HDLBP: variants seen among roughly 807,000 people sequenced by gnomAD.
The protein encoded by HDLBP is vigilin.
HDLBP carries 30 observed loss-of-function variants against 137.3 expected under a neutral mutation model. That is an observed-to-expected ratio of 0.22 (90% confidence interval 0.16 to 0.30). The LOEUF (loss-of-function observed/expected upper bound fraction) is 0.30, where lower values mean the gene tolerates loss of function less well. Among genes scored for constraint, HDLBP ranks in the 10% least tolerant of loss-of-function variants. The pLI, the probability that HDLBP is intolerant of heterozygous loss-of-function variation, is 1.00. For missense variants in HDLBP, 1,119 were observed against 1,667.3 expected (o/e 0.67, Z 5.73); for synonymous variants, 606 against 596.0 (o/e 1.02, Z -0.24).
intron 11 of HDLBP, chr2:241,250,187 A>G (rs557116908): frequency 2.1e-6 from 1 of 475,334 alleles, no homozygotes; most frequent in South Asian, 3.6e-5. Context: ...AGGGTTCTGG[A>G]GGACAGGCTC....
intron 4 of HDLBP, among the ~76,000 whole-genome samples, chr2:241,264,035 A>G (rs1411520182): frequency 6.6e-6 from 1 of 151,982 alleles, no homozygotes; most frequent in Non-Finnish European, 1.5e-5. Flanking sequence ...GCTTGGAAGG[A>G]TAGGTTAAGA....
chr2:241,266,590 T>C (rs1395158324), intron 3 of HDLBP: 1 of 547,358 alleles, frequency 1.8e-6, no homozygotes, highest in Non-Finnish European at 3.3e-6. Flanking sequence ...TAAATCTCAC[T>C]GTACTTGATT....
intron 16 of HDLBP, among the ~76,000 whole-genome samples, chr2:241,244,413 T>C (rs758112890): frequency 1.3e-5 from 2 of 152,106 alleles, no homozygotes; most frequent in Non-Finnish European, 2.9e-5. Context: ...CCTAACTTGC[T>C]CAGAGACGGT....
intron 1 of HDLBP, among the ~76,000 whole-genome samples, chr2:241,289,998 A>G (rs1027064443): frequency 6.6e-6 from 1 of 152,224 alleles, no homozygotes; most frequent in African/African-American, 2.4e-5. Context: ...TTCAATATGC[A>G]GATGGGCTGA....
rs1421417018 is a variant in HDLBP, at chr2:241,256,804, G to C, written c.453C>G (p.Ala151=). 1 of 1,611,992 alleles carries C rather than the reference G, an allele frequency of 6.2e-7. No individual in the cohort carries two copies. The highest frequency in any genetic ancestry group is 1.3e-5 in the African/African-American group (1 of 74,832). Residue 151 remains alanine, a splice_region_variant and synonymous_variant, in exon 6 of 28, where the codon GCC becomes GCG. Coordinates refer to ENST00000310931, the MANE Select transcript of HDLBP (RefSeq NM_005336.6). ...KDIVARLQTQ[A]SATVAIPKEH... ...CTTTGGGAATGGCAACAGTTGCTGA[G>C]GCCTATAGCAAGAAGAGAATAAAAG... is the stretch of plus-strand genomic sequence containing the variant.
At position 241,255,168 on chromosome 2, in the gene HDLBP, T is replaced by A. The variant is rs2305075; in HGVS notation, c.1081-10A>T. ...CGGTGAAGCTATTGGCCTAAGAAAA[T>A]GGGAGAACAGCCATGGGTTTGCAGA... On this transcript the variant is annotated splice_polypyrimidine_tract_variant and intron_variant, in intron 8 of 27. Coordinates refer to ENST00000310931, the MANE Select transcript of HDLBP (RefSeq NM_005336.6). 1 of 1,611,136 alleles carries A rather than the reference T, an allele frequency of 6.2e-7. No individual in the cohort carries two copies. The highest frequency in any genetic ancestry group is 8.5e-7 in the Non-Finnish European group (1 of 1,177,570).
At chr2:241,291,469 T>TTA (rs1449504092) in intron 1 of HDLBP, among the ~76,000 whole-genome samples, 1 of 152,086 alleles carries the variant, frequency 6.6e-6, no homozygotes, top group Non-Finnish European at 1.5e-5. Flanking sequence ...ATCCCCAGGT[T>TTA]TATAGTACTA....
At chr2:241,236,267 C>T (rs1231813338) in intron 21 of HDLBP, 2 of 317,458 alleles carry the variant, frequency 6.3e-6, no homozygotes, top group South Asian at 4.2e-5. Flanking sequence ...GGCCTGATAA[C>T]CCCACTCACG....
chr2:241,248,222 G>A (rs1269942393), intron 13 of HDLBP, 22 bp downstream of exon 13: 1 of 1,591,008 alleles, frequency 6.3e-7, no homozygotes, highest in Non-Finnish European at 8.6e-7. Context: ...TAGAGTTACA[G>A]AATGTCTCTG....
At chr2:241,276,660 TG>T (rs2074397894) in intron 1 of HDLBP, among the ~76,000 whole-genome samples, 1 of 152,172 alleles carries the variant, frequency 6.6e-6, no homozygotes, top group East Asian at 1.9e-4. Context: ...ATATGAAAGT[TG>T]GTTATATTAT....
intron 1 of HDLBP, among the ~76,000 whole-genome samples, chr2:241,312,242 G>A (rs561444538): frequency 6.6e-6 from 1 of 152,304 alleles, no homozygotes; most frequent in East Asian, 1.9e-4. Flanking sequence ...TCAACAAGAT[G>A]ACTAACACAA....
chr2:241,266,551 G>T (rs988914754), intron 3 of HDLBP: 5 of 476,728 alleles, frequency 1.0e-5, no homozygotes, highest in Non-Finnish European at 1.9e-5. Context: ...GGTCAAATTC[G>T]CTGGCTTTCC....
At chr2:241,249,259 A>G (rs1355209373) in intron 12 of HDLBP, 3 of 466,600 alleles carry the variant, frequency 6.4e-6, no homozygotes, top group East Asian at 1.4e-4. Flanking sequence ...TTCCTCACAC[A>G]GTCAGGCCAA....
rs76897716 is a variant in HDLBP, at chr2:241,299,108, C to T, written c.-103+16462G>A. On this transcript the variant is annotated intron_variant, in intron 1 of 27. Transcript: ENST00000310931. ...CCCAGGGTGAGGTTCGTAGTCCCAA[C>T]TTACTCTCAGGTGGTTCAGATAAAG... 1.2e-3 allele frequency among the ~76,000 whole-genome samples: 187 copies of T among 152,316 alleles called. 2 individuals carry two copies. Among genetic ancestry groups the T allele is most frequent in the African/African-American group, 4.4e-3 (182 of 41,558 alleles).
At position 241,272,300 on chromosome 2, in the gene HDLBP, C is replaced by A; in HGVS notation, c.-102-3759G>T. On this transcript the variant is annotated intron_variant, in intron 1 of 27. Coordinates refer to ENST00000310931, the MANE Select transcript of HDLBP (RefSeq NM_005336.6). This position sits in a 1 kb window ranked among gnomAD's most constrained non-coding sequence, Gnocchi z 5.6. ...GCCTCCCAGGGACCCCCACCCTGGC[C>A]GCACACGGCGCCCCCGCCGGAGCGG... 1 of 982,120 alleles carries A rather than the reference C, an allele frequency of 1.0e-6. No individual in the cohort carries two copies. The highest frequency in any genetic ancestry group is 1.2e-6 in the Non-Finnish European group (1 of 827,300). 60.8% of individuals were successfully genotyped at this position (982,120 alleles called of 1,614,324 possible). A position where few individuals can be genotyped will look rare whatever the true frequency, so the allele number is the denominator to read the frequency against.
In HDLBP at chr2:241,246,902, C is replaced by T. The variant is rs1189766650; in HGVS notation, c.1819-19G>A. 1 of 1,613,728 alleles carries T rather than the reference C, an allele frequency of 6.2e-7. No individual in the cohort carries two copies. The highest frequency in any genetic ancestry group is 8.5e-7 in the Non-Finnish European group (1 of 1,179,772). ...CACGAATCTACAGGGAGAGAGATCA[C>T]CATGAGAAGCTGACTAGAGCTCTCC... On this transcript the variant is annotated intron_variant, in intron 15 of 27. Coordinates refer to ENST00000310931, the MANE Select transcript of HDLBP (RefSeq NM_005336.6).
At position 241,230,219 on chromosome 2, in the gene HDLBP, A is replaced by C; in HGVS notation, c.3525T>G (p.Thr1175=). The change falls in exon 26 of 28, where the codon ACT becomes ACG. Residue 1175 remains threonine, a synonymous_variant. Coordinates refer to ENST00000310931, the MANE Select transcript of HDLBP (RefSeq NM_005336.6). The surrounding 1 kb of genome is among the most constrained non-coding windows in gnomAD (Gnocchi z 5.0). ...CCACATTCTCTGGGAGCCCCGTCAC[A>C]GTGACGCAGTTGGGGTCTGGGGCTC... The part of the protein sequence containing the change: ...QSGAPDPNCV[T]VTGLPENVEE... The C allele has an allele frequency of 6.2e-7, 1 of 1,613,082 alleles. No individual in the cohort carries two copies. The highest frequency in any genetic ancestry group is 8.5e-7 in the Non-Finnish European group (1 of 1,179,234).
chr2:241,297,541 T>C (rs1178149483), intron 1 of HDLBP, among the ~76,000 whole-genome samples: 1 of 152,160 alleles, frequency 6.6e-6, no homozygotes, highest in Non-Finnish European at 1.5e-5. Flanking sequence ...TATATGTATG[T>C]ATACACATAC....
At chr2:241,235,981 T>A (rs1171002593) in intron 21 of HDLBP, 2 of 213,022 alleles carry the variant, frequency 9.4e-6, no homozygotes, top group Non-Finnish European at 1.9e-5. Context: ...TCCCTTGGGA[T>A]CAGGACGGCT....
Sources: gnomAD v4.1 joint callset for allele counts (sites outside exome capture counted in the v4.1 genomes callset) on GRCh38, gnomAD v4.1.1 for gene constraint, Gnocchi (gnomAD v3.1) non-coding constraint, MANE v1.5 for transcripts, NCBI Gene and HGNC (gene_info 2026-07-23, HGNC 2026-07-21) for gene names.